The following COL6A3 variants were observed in gnomAD, a reference collection of about 807,000 sequenced individuals.
COL6A3 encodes collagen type VI alpha 3 chain.
A neutral mutation model predicts 274.1 loss-of-function variants in COL6A3; 137 were observed. That is an observed-to-expected ratio of 0.50 (90% CI 0.44 to 0.58). The LOEUF is 0.58. COL6A3 is among the 20% of genes least tolerant of loss of function. The probability of loss-of-function intolerance (pLI) is 0.00; values close to 1 mark genes in which losing one functional copy is unlikely to be tolerated. For missense variants in COL6A3, 3,950 were observed against 4,124.9 expected (o/e 0.96, Z 1.16); for synonymous variants, 1,650 against 1,650.6 (o/e 1.00, Z 0.01).
At chr2:237,411,651 G>A (rs1180235076) in intron 1 of COL6A3, among the ~76,000 whole-genome samples, 1 of 152,192 alleles carries the variant, frequency 6.6e-6, no homozygotes, top group Non-Finnish European at 1.5e-5. Flanking sequence ...TTCTAGGATA[G>A]GAAATCACAA....
chr2:237,390,159 T>C (rs2078250303), intron 3 of COL6A3, among the ~76,000 whole-genome samples: 1 of 152,198 alleles, frequency 6.6e-6, no homozygotes, highest in South Asian at 2.1e-4. Flanking sequence ...ATCAATACAG[T>C]CAAGCTTTTA....
intron 24 of COL6A3, among the ~76,000 whole-genome samples, chr2:237,354,590 C>T (rs2077276462): frequency 6.6e-6 from 1 of 152,184 alleles, no homozygotes; most frequent in South Asian, 2.1e-4. Context: ...AGCCTCCTCC[C>T]CTGCCTCGAG....
In COL6A3 at chr2:237,336,328, GGCCACAGGCTTGGCA is replaced by G. The variant is rs779390247; in HGVS notation, c.8757_8771del (p.Ala2920_Ala2924del). The G allele has an allele frequency of 9.9e-6, 16 of 1,613,208 alleles. No homozygotes were observed. The South Asian group carries it at 1.5e-4, about 16-fold the overall frequency. ...GGGGTCTAACAGTGGCCATCTTTGT[GGCCACAGGCTTGGCA>G]GCCACAGGTTTCGCAGGGGCCGGCT... is the stretch of plus-strand genomic sequence containing the variant. On this transcript the variant is annotated inframe_deletion, in exon 40 of 44. Coordinates refer to ENST00000295550, the MANE Select transcript of COL6A3 (RefSeq NM_004369.4).
chr2:237,333,933 T>C (rs1179259997), intron 41 of COL6A3, among the ~76,000 whole-genome samples: 2 of 152,170 alleles, frequency 1.3e-5, no homozygotes, highest in African/African-American at 2.4e-5. Context: ...CTGAATAGCA[T>C]TGGCCTGAAG....
At chr2:237,375,530 T>C (rs768520948) in intron 7 of COL6A3, among the ~76,000 whole-genome samples, 16 of 152,208 alleles carry the variant, frequency 1.1e-4, no homozygotes, top group Non-Finnish European at 1.8e-4. Context: ...TTTGTTTTTG[T>C]TTTTGTTTTG....
rs566216954 is a variant in COL6A3 at position 237,346,476 on chromosome 2, C to T, written c.7092+27G>A. 10 of 1,610,242 alleles carry T rather than the reference C, an allele frequency of 6.2e-6. No homozygotes were observed. The African/African-American group carries it at 1.2e-4, about 19-fold the overall frequency. ...GTGTAAAGCACCCAGCCCCAGGTGG[C>T]CGGGTCAGAACTGGATAAATACTTA... is the stretch of plus-strand genomic sequence containing the variant. On this transcript the variant is annotated intron_variant, in intron 32 of 43. Coordinates refer to ENST00000295550, the MANE Select transcript of COL6A3 (RefSeq NM_004369.4).
chr2:237,330,339 A>T (rs2106305487), intron 42 of COL6A3, among the ~76,000 whole-genome samples: 1 of 152,330 alleles, frequency 6.6e-6, no homozygotes, highest in South Asian at 2.1e-4. Context: ...CCATGCTTTC[A>T]GGAGGCCACG....
chr2:237,406,688 T>A (rs1165540647), intron 1 of COL6A3, among the ~76,000 whole-genome samples: 1 of 152,180 alleles, frequency 6.6e-6, no homozygotes, highest in African/African-American at 2.4e-5. Context: ...CCCGTTCTTT[T>A]CCTCAGGGAG....
intron 8 of COL6A3, 120 bp from the exon 9 acceptor site, chr2:237,372,457 G>A (rs1003454308): frequency 1.3e-4 from 199 of 1,573,804 alleles, no homozygotes; most frequent in Admixed American, 4.7e-4. Flanking sequence ...AATCACCACT[G>A]TTAAAAGTCC....
rs750471097 is a variant in COL6A3, at chr2:237,363,324, G to A, written c.5992C>T (p.Arg1998Ter). Residue 1998 changes from arginine (R) to a stop codon, truncating the protein, a stop_gained, in exon 14 of 44, where the codon CGA becomes TGA. Transcript: ENST00000295550. LOFTEE classifies it high-confidence loss of function. ...AGGGGCCTGTCATACATAAACCCTC[G>A]CCCAAACTCCAGATGCATTAGCCGC... is the stretch of plus-strand genomic sequence containing the variant. ...LERLMHLEFG[R>*]GFMYDRPLRL... 4.3e-6 allele frequency: 7 copies of A among 1,613,810 alleles called. No individual in the cohort carries two copies. Among genetic ancestry groups the A allele is most frequent in the Admixed American group, 1.7e-5 (1 of 59,966 alleles).
chr2:237,410,319 T>C (rs1341663918), intron 1 of COL6A3, among the ~76,000 whole-genome samples: 2 of 149,542 alleles, frequency 1.3e-5, no homozygotes, highest in Non-Finnish European at 3.0e-5. Context: ...TTTTTTTTTT[T>C]CTGAAACAGG....
chr2:237,358,417 G>T, intron 21 of COL6A3, 104 bp downstream of exon 21: 1 of 1,003,736 alleles, frequency 1.0e-6, no homozygotes, highest in Non-Finnish European at 1.6e-6. Context: ...TTATCAACGT[G>T]TTTTAAAGCA....
At chr2:237,401,925 T>A (rs1409180634) in intron 1 of COL6A3, among the ~76,000 whole-genome samples, 2 of 152,088 alleles carry the variant, frequency 1.3e-5, no homozygotes, top group Non-Finnish European at 2.9e-5. Context: ...GCTCAAGAGA[T>A]CCTTCCACCT....
At chr2:237,333,305 A>G in intron 42 of COL6A3, 145 bp downstream of exon 42, 1 of 733,104 alleles carries the variant, frequency 1.4e-6, no homozygotes. Flanking sequence ...GAATAAGATG[A>G]TGTTGGGCTG....
In COL6A3 at chr2:237,377,133, C is replaced by T. The variant is rs766753891; in HGVS notation, c.2709G>A (p.Val903=). The T allele has an allele frequency of 6.2e-7, 1 of 1,614,224 alleles. No individual in the cohort carries two copies. Among genetic ancestry groups the T allele is most frequent in the Non-Finnish European group, 8.5e-7 (1 of 1,180,040 alleles). The stretch of plus-strand genomic sequence containing the variant: ...TGCCCGTCTTGATCTTCATTCTCTT[C>T]ACAAGATTCAGGATCTCAGGCTTAC... ...HQSKPEILNL[V]KRMKIKTGKA... The change falls in exon 7 of 44, where the codon GTG becomes GTA. Residue 903 remains valine, a synonymous_variant. Coordinates refer to ENST00000295550, the MANE Select transcript of COL6A3 (RefSeq NM_004369.4).
chr2:237,390,338 T>C (rs915006644), intron 3 of COL6A3, among the ~76,000 whole-genome samples: 1 of 152,232 alleles, frequency 6.6e-6, no homozygotes, highest in African/African-American at 2.4e-5. Context: ...TAGAAACACG[T>C]TGGATAATTT....
rs1482462587 is a variant in COL6A3 at position 237,333,490 on chromosome 2, A to G, written c.9288T>C (p.Asn3096=). ...PARSASSSTI[N]LMVSTEPLAL... ...CCAATGGTTCTGTGCTCACCATTAG[A>G]TTGATGGTTGAACTAGAAGCTGACC... The change falls in exon 42 of 44, where the codon AAT becomes AAC. Residue 3096 remains asparagine, a synonymous_variant. Transcript: ENST00000295550. 6.2e-7 allele frequency: 1 copy of G among 1,614,194 alleles called. No individual in the cohort carries two copies. The highest frequency in any genetic ancestry group is 8.5e-7 in the Non-Finnish European group (1 of 1,180,032).
In COL6A3 at chr2:237,333,119, G is replaced by A. The variant is rs139069880; in HGVS notation, c.9328+331C>T. ...GATTAAATCACTGAGTAAATGAAACGCCAATCTTCACAGCATCACAGACCA... is the reference window on the plus strand; with the variant it reads ...GATTAAATCACTGAGTAAATGAAACACCAATCTTCACAGCATCACAGACCA... On this transcript the variant is annotated intron_variant, in intron 42 of 43. Coordinates refer to ENST00000295550, the MANE Select transcript of COL6A3 (RefSeq NM_004369.4). 1.6e-3 allele frequency: 588 copies of A among 370,586 alleles called. 6 individuals carry two copies. In the Middle Eastern group the frequency reaches 0.018, roughly 12 times the overall value. 23.0% of individuals were successfully genotyped at this position (370,586 alleles called of 1,614,324 possible). A position where few individuals can be genotyped will look rare whatever the true frequency, so the allele number is the denominator to read the frequency against.
At chr2:237,327,958 T>C (rs1353157044) in intron 42 of COL6A3, 3 of 152,200 alleles carry the variant, frequency 2.0e-5, no homozygotes, top group Non-Finnish European at 4.4e-5. Flanking sequence ...TGTTCATCTT[T>C]TCCCTCTGAA....
Sources: allele counts gnomAD v4.1 joint callset (sites outside exome capture counted in the v4.1 genomes callset), GRCh38; gene constraint gnomAD v4.1.1; transcripts MANE v1.5; gene names NCBI Gene and HGNC (gene_info 2026-07-23, HGNC 2026-07-21).